Variants in FOXP1 observed in about 807,000 individuals in gnomAD.
FOXP1 encodes forkhead box P1.
Under a neutral mutation model 98.2 loss-of-function variants are expected in FOXP1, and 15 were observed. The ratio of observed to expected loss-of-function variants is 0.15; its 90% CI spans 0.10 to 0.24. The LOEUF (loss-of-function observed/expected upper bound fraction) is 0.24, where lower values mean the gene tolerates loss of function less well. Among genes scored for constraint, FOXP1 ranks in the 10% least tolerant of loss-of-function variants. The pLI is 1.00. For synonymous variants in FOXP1, 371 were observed against 314.5 expected (o/e 1.18, Z -1.90); for missense variants, 633 against 848.5 (o/e 0.75, Z 3.15).
intron 3 of FOXP1, among the ~76,000 whole-genome samples, chr3:71,413,290 A>ACACACACACACACACCCC (rs371166757): frequency 7.2e-6 from 1 of 138,526 alleles, no homozygotes; most frequent in Non-Finnish European, 1.5e-5. Flanking sequence ...ACACACACAC[A>ACACACACACACACACCCC]CCCAAAACAG....
intron 11 of FOXP1, among the ~76,000 whole-genome samples, chr3:71,022,981 CCT>C (rs1386794225): frequency 2.6e-5 from 4 of 152,094 alleles, no homozygotes; most frequent in Non-Finnish European, 5.9e-5. Context: ...TTGCTATTCC[CCT>C]CTCACTCATC....
Position 70,956,203 on chromosome 3 carries a change from A to T in FOXP1, c.*3044T>A. The T allele has an allele frequency of 4.3e-6, 1 of 233,498 alleles. No individual in the cohort carries two copies. Among genetic ancestry groups the T allele is most frequent in the Middle Eastern group, 1.3e-3 (1 of 788 alleles). The allele number at this position is 233,498 out of a possible 1,614,324, so 14.5% of individuals were successfully genotyped here. On this transcript the variant is annotated 3_prime_UTR_variant, in exon 21 of 21. Transcript: ENST00000649528. ...AACCGCCCTCTGCCCTCCCCCAAAA[A>T]AGACAAAGATTCACACAGACACATC...
chr3:71,576,789 T>C (rs1334312626), intron 2 of FOXP1, among the ~76,000 whole-genome samples: 1 of 152,124 alleles, frequency 6.6e-6, no homozygotes, highest in Non-Finnish European at 1.5e-5. Context: ...TAAAACAGCT[T>C]GGGGAGGGTC....
Position 71,009,155 on chromosome 3 carries a change from CGGGG to C in FOXP1, c.974+6390_974+6393del, listed in dbSNP as rs10546380. 5.8e-4 allele frequency among the ~76,000 whole-genome samples: 12 copies of C among 20,764 alleles called. 2 individuals carry two copies. Among genetic ancestry groups the C allele is most frequent in the East Asian group, 4.1e-3 (2 of 488 alleles). 13.6% of individuals were successfully genotyped at this position (20,764 alleles called of 152,430 possible). A position where few individuals can be genotyped will look rare whatever the true frequency, so the allele number is the denominator to read the frequency against. On this transcript the variant is annotated intron_variant, in intron 12 of 20. Coordinates refer to ENST00000649528, the MANE Select transcript of FOXP1 (RefSeq NM_001349338.3). ...TGGTTGGTCAATGAAATCATGGGGG[CGGGG>C]GGGGGGGGGCGCATGACACACGTGG... is the stretch of plus-strand genomic sequence containing the variant.
chr3:71,227,275 G>A (rs898287474), intron 5 of FOXP1, among the ~76,000 whole-genome samples: 5 of 152,062 alleles, frequency 3.3e-5, no homozygotes, highest in Non-Finnish European at 7.4e-5. Flanking sequence ...CACAAATAGC[G>A]TTTACGTGAA....
At chr3:71,554,108 G>A (rs967654622) in intron 2 of FOXP1, among the ~76,000 whole-genome samples, 47 of 152,110 alleles carry the variant, frequency 3.1e-4, no homozygotes, top group Admixed American at 2.7e-3. Context: ...AACCTTTTGG[G>A]AGTCTCAGAC....
Position 70,958,523 on chromosome 3 carries a change from A to G in FOXP1, c.*724T>C, listed in dbSNP as rs1482975605. On this transcript the variant is annotated 3_prime_UTR_variant, in exon 21 of 21. Transcript: ENST00000649528. ...AAATGACATTCAGCTTTGTATAATA[A>G]AAACACCTATTAACATTCATCACAA... 2 of 339,860 alleles carry G rather than the reference A, an allele frequency of 5.9e-6. No individual in the cohort carries two copies. Among genetic ancestry groups the G allele is most frequent in the Non-Finnish European group, 1.1e-5 (2 of 176,612 alleles). 21.1% of individuals were successfully genotyped at this position (339,860 alleles called of 1,614,324 possible).
intron 3 of FOXP1, among the ~76,000 whole-genome samples, chr3:71,388,255 G>C (rs569267104): frequency 2.0e-5 from 3 of 152,244 alleles, no homozygotes; most frequent in African/African-American, 7.2e-5. Context: ...TGTTCTAAAT[G>C]CATCATTCAA....
At chr3:71,230,305 AGT>A (rs1364905378) in intron 5 of FOXP1, among the ~76,000 whole-genome samples, 3 of 152,214 alleles carry the variant, frequency 2.0e-5, no homozygotes. Context: ...GAACAAATGC[AGT>A]GAAATTCTAA....
At chr3:71,321,851 G>A (rs1421102117) in intron 4 of FOXP1, among the ~76,000 whole-genome samples, 1 of 152,122 alleles carries the variant, frequency 6.6e-6, no homozygotes, top group Non-Finnish European at 1.5e-5. Context: ...TTGATCTCCT[G>A]ACCTGTGATC....
At chr3:71,396,959 T>TACAC in intron 3 of FOXP1, among the ~76,000 whole-genome samples, 1 of 43,230 alleles carries the variant, frequency 2.3e-5, no homozygotes, top group Non-Finnish European at 5.6e-5. Flanking sequence ...TGTATATATA[T>TACAC]ATATGTGTGT....
At chr3:70,984,314 C>G (rs1434003339) in intron 14 of FOXP1, among the ~76,000 whole-genome samples, 3 of 152,300 alleles carry the variant, frequency 2.0e-5, no homozygotes, top group South Asian at 2.1e-4. Context: ...GGCACCCACT[C>G]TTAACCTAAG....
upstream of FOXP1, chr3:71,583,835 G>T (rs566627149): frequency 1.7e-5 from 17 of 987,718 alleles, no homozygotes; most frequent in South Asian, 6.3e-4. Flanking sequence ...CAGAGGCGCG[G>T]GCAGCACCGG....
intron 6 of FOXP1, among the ~76,000 whole-genome samples, chr3:71,158,189 GAGGGAAAGAAAGAA>G (rs1303598631): frequency 2.0e-5 from 3 of 148,542 alleles, no homozygotes; most frequent in East Asian, 2.0e-4. Flanking sequence ...GGGAAGGAGG[GAGGGAAAGAAAGAA>G]AGGGAAAGAA....
At position 70,959,485 on chromosome 3, in the gene FOXP1, T is replaced by G. The variant is rs780223915; in HGVS notation, c.1890-94A>C. The G allele has an allele frequency of 8.8e-6, 12 of 1,358,834 alleles. No homozygotes were observed. The Middle Eastern group carries it at 1.1e-3, about 128-fold the overall frequency. 84.2% of individuals were successfully genotyped at this position (1,358,834 alleles called of 1,614,324 possible). A position where few individuals can be genotyped will look rare whatever the true frequency, so the allele number is the denominator to read the frequency against. ...GTTTGGGGCAACAGAAAAGCCGCAC[T>G]CTAGAACTAGAACTCTGTCCAGTAT... On this transcript the variant is annotated intron_variant, in intron 20 of 20. Transcript: ENST00000649528.
intron 3 of FOXP1, among the ~76,000 whole-genome samples, chr3:71,418,960 G>A (rs547983981): frequency 1.4e-5 from 2 of 147,984 alleles, no homozygotes; most frequent in South Asian, 4.2e-4. Flanking sequence ...AAAGCCGGGT[G>A]CAGTGGCTCA....
chr3:71,248,579 A>G (rs570309305), intron 5 of FOXP1, among the ~76,000 whole-genome samples: 1 of 152,178 alleles, frequency 6.6e-6, no homozygotes, highest in Admixed American at 6.5e-5. Context: ...TGTCTCTACT[A>G]AAAATACAAA....
intron 7 of FOXP1, among the ~76,000 whole-genome samples, chr3:71,063,944 G>C (rs189657861): frequency 2.0e-5 from 3 of 152,108 alleles, no homozygotes; most frequent in South Asian, 2.1e-4. Context: ...TTGGGGAGGA[G>C]AGGGGTAAAA....
chr3:71,275,850 T>C (rs1479767825), intron 5 of FOXP1, among the ~76,000 whole-genome samples: 3 of 152,226 alleles, frequency 2.0e-5, no homozygotes, highest in Admixed American at 1.3e-4. Context: ...TTTTTTGTTT[T>C]GTTTTGTTTT....
Sources: gnomAD v4.1 joint callset for allele counts (sites outside exome capture counted in the v4.1 genomes callset) on GRCh38, gnomAD v4.1.1 for gene constraint, MANE v1.5 for transcripts, NCBI Gene and HGNC (gene_info 2026-07-23, HGNC 2026-07-21) for gene names.